AKT2: variants seen among roughly 807,000 people sequenced by gnomAD.
AKT2 encodes the protein RAC-beta serine/threonine-protein kinase.
AKT2 carries 16 observed loss-of-function variants against 58.6 expected under a neutral mutation model. The observed-to-expected ratio is 0.27, with a 90% CI of 0.18 to 0.41. The LOEUF (loss-of-function observed/expected upper bound fraction) is 0.41, where lower values mean the gene tolerates loss of function less well. AKT2 is among the 10% of genes least tolerant of loss of function. The pLI, the probability that AKT2 is intolerant of heterozygous loss-of-function variation, is 1.00. For synonymous variants in AKT2, 253 were observed against 254.0 expected (o/e 1.00, Z 0.04); for missense variants, 438 against 661.0 (o/e 0.66, Z 3.70).
In AKT2 at chr19:40,265,307, T is replaced by A. The variant is rs766081866; in HGVS notation, c.-40A>T. The A allele has an allele frequency of 1.6e-5, 25 of 1,607,020 alleles. No homozygotes were observed. The highest frequency in any genetic ancestry group is 2.1e-5 in the Non-Finnish European group (25 of 1,176,966). Reference sequence around the variant, plus strand: ...ACGCTGTCACCTAGCTCGGGACAGCTCAGGGCAGCAGGACATGCAGGAGGC... The same window carrying A: ...ACGCTGTCACCTAGCTCGGGACAGCACAGGGCAGCAGGACATGCAGGAGGC... On this transcript the variant is annotated 5_prime_UTR_variant, in exon 2 of 14. Transcript: ENST00000392038.
At chr19:40,282,599 G>A (rs2077444114) in intron 1 of AKT2, 1 of 521,986 alleles carries the variant, frequency 1.9e-6, no homozygotes, top group Non-Finnish European at 3.9e-6. Flanking sequence ...GAGGACAGAG[G>A]ACAGAGGTGA....
Position 40,242,301 on chromosome 19 carries a change from T to A in AKT2, c.442-232A>T, listed in dbSNP as rs1169201596. The A allele has an allele frequency of 2.3e-6, 2 of 858,260 alleles. No homozygotes were observed. Among genetic ancestry groups the A allele is most frequent in the Non-Finnish European group, 3.6e-6 (2 of 549,068 alleles). The allele number at this position is 858,260 out of a possible 1,614,324, so 53.2% of individuals were successfully genotyped here. ...GCTCTGACGTGGGGGTAGCCAGGTC[T>A]TCACCAACTCCCAGGACGAACCTGC... is the stretch of plus-strand genomic sequence containing the variant. On this transcript the variant is annotated intron_variant, in intron 5 of 13. Transcript: ENST00000392038. This position sits in a 1 kb window ranked among gnomAD's most constrained non-coding sequence, Gnocchi z 4.3.
chr19:40,244,157 T>C (rs1473699540), intron 4 of AKT2: 1 of 151,658 alleles, frequency 6.6e-6, no homozygotes, highest in Non-Finnish European at 1.5e-5. Flanking sequence ...AAGAACTGTC[T>C]TTGAGCTGGG....
In AKT2 at chr19:40,256,984, C is replaced by A; in HGVS notation, c.117G>T (p.Lys39Asn). The A allele has an allele frequency of 6.2e-7, 1 of 1,614,232 alleles. No individual in the cohort carries two copies. The highest frequency in any genetic ancestry group is 8.5e-7 in the Non-Finnish European group (1 of 1,180,034). The change falls in exon 3 of 14, where the codon AAG becomes AAT. Residue 39 changes from lysine to asparagine, a missense_variant. By Grantham distance (94) the Lys-to-Asn change is moderately conservative. Around this residue, in one of 3 missense-constraint regions of AKT2, gnomAD observed 244 missense variants for 347.1 expected, o/e 0.70. Coordinates refer to ENST00000392038, the MANE Select transcript of AKT2 (RefSeq NM_001626.6). Reference protein sequence around the residue: ...LKSDGSFIGYKERPEAPDQTL... With the variant: ...LKSDGSFIGYNERPEAPDQTL... The stretch of plus-strand genomic sequence containing the variant: ...TCTGATCAGGGGCCTCGGGCCTCTC[C>A]TTGTACCCAATGAAGGAGCCGTCGC...
intron 3 of AKT2, 56 bp downstream of exon 3, chr19:40,256,870 A>G: frequency 6.2e-7 from 1 of 1,612,058 alleles, no homozygotes; most frequent in Non-Finnish European, 8.5e-7. Context: ...AGCCCCTAAG[A>G]CGTGCCAGCC....
chr19:40,252,176 GTGTGGGCCAGGGC>G (rs1304208376), intron 4 of AKT2, among the ~76,000 whole-genome samples: 1 of 152,202 alleles, frequency 6.6e-6, no homozygotes. Context: ...ACATCAGCCT[GTGTGGGCCAGGGC>G]TGTGAGGACA....
chr19:40,237,505 C>T lies in AKT2; in HGVS notation c.831+464G>A, dbSNP rs1974104227. 4 of 166,078 alleles carry T rather than the reference C, an allele frequency of 2.4e-5. No homozygotes were observed. Among genetic ancestry groups the T allele is most frequent in the Admixed American group, 2.3e-4 (4 of 17,468 alleles). The allele number at this position is 166,078 out of a possible 1,614,324, so 10.3% of individuals were successfully genotyped here. A position where few individuals can be genotyped will look rare whatever the true frequency, so the allele number is the denominator to read the frequency against. On this transcript the variant is annotated intron_variant, in intron 9 of 13. Transcript: ENST00000392038. The surrounding 1 kb of genome is among the most constrained non-coding windows in gnomAD (Gnocchi z 4.5). The stretch of plus-strand genomic sequence containing the variant: ...ACTAAAAATACAAAAATTAGCTGGG[C>T]ATGGTGGCGGGCACCTGTAATCCCA...
In AKT2 at chr19:40,242,525, A is replaced by G; in HGVS notation, c.441+9T>C. 2 of 1,613,480 alleles carry G rather than the reference A, an allele frequency of 1.2e-6. No individual in the cohort carries two copies. Among genetic ancestry groups the G allele is most frequent in the South Asian group, 1.1e-5 (1 of 91,086 alleles). ...GGCTGGCAGCCCCACCCCTGCTCCC[A>G]GCACTTACCACTTTAGCCCGTGCCT... On this transcript the variant is annotated intron_variant, in intron 5 of 13. Coordinates refer to ENST00000392038, the MANE Select transcript of AKT2 (RefSeq NM_001626.6). The surrounding 1 kb of genome is among the most constrained non-coding windows in gnomAD (Gnocchi z 4.3).
chr19:40,271,626 A>G (rs938146479), intron 1 of AKT2, among the ~76,000 whole-genome samples: 5 of 152,110 alleles, frequency 3.3e-5, no homozygotes, highest in Non-Finnish European at 7.4e-5. Context: ...TAAAACTCAT[A>G]AAGTGGAAAA....
rs374077112 is a variant in AKT2, at chr19:40,230,716, GTTT to G, written c.*3153_*3155del. On this transcript the variant is annotated 3_prime_UTR_variant, in exon 14 of 14. Transcript: ENST00000392038. ...TGTCTTTTTTAATAGCATGTATCAT[GTTT>G]TTTTTTTTTTTATTTTTAGAGACAC... The G allele has an allele frequency of 3.8e-5, 7 of 185,850 alleles. No homozygotes were observed. Among genetic ancestry groups the G allele is most frequent in the African/African-American group, 4.9e-5 (2 of 41,102 alleles). 11.5% of individuals were successfully genotyped at this position (185,850 alleles called of 1,614,324 possible).
chr19:40,271,212 CATATATATATATATACACACAT>C (rs1279561782), intron 1 of AKT2, among the ~76,000 whole-genome samples: 5 of 140,028 alleles, frequency 3.6e-5, no homozygotes, highest in African/African-American at 1.4e-4. Context: ...TACATACATA[CATATATATATATATACACACAT>C]ATATATGTAT....
intron 2 of AKT2, among the ~76,000 whole-genome samples, chr19:40,257,338 G>A (rs992510517): frequency 6.6e-5 from 10 of 152,332 alleles, no homozygotes; most frequent in Middle Eastern, 3.4e-3. Context: ...GTGTGGCAAG[G>A]AGCAAGCTGT....
intron 2 of AKT2, among the ~76,000 whole-genome samples, chr19:40,260,413 C>A (rs1034277685): frequency 6.6e-6 from 1 of 151,866 alleles, no homozygotes; most frequent in Non-Finnish European, 1.5e-5. Flanking sequence ...GGGCGGATCC[C>A]AAGGTCAAGA....
chr19:40,235,165 T>C lies in AKT2; in HGVS notation c.1264-18A>G, dbSNP rs778856773. 1.9e-6 allele frequency: 3 copies of C among 1,613,228 alleles called. 1 individual carries two copies. Among genetic ancestry groups the C allele is most frequent in the African/African-American group, 1.3e-5 (1 of 74,682 alleles). On this transcript the variant is annotated intron_variant, in intron 12 of 13. Coordinates refer to ENST00000392038, the MANE Select transcript of AKT2 (RefSeq NM_001626.6). This position sits in a 1 kb window ranked among gnomAD's most constrained non-coding sequence, Gnocchi z 6.3. ...GGCAGGAGCTACGGAGGAGAGGAGC[T>C]CAGGCTCAGGGACCCTGAGGCCAGG...
At chr19:40,245,475 C>A (rs550674820) in intron 4 of AKT2, among the ~76,000 whole-genome samples, 1 of 152,144 alleles carries the variant, frequency 6.6e-6, no homozygotes, top group East Asian at 1.9e-4. Flanking sequence ...CACATAGGCA[C>A]AAACATCTCC....
intron 2 of AKT2, among the ~76,000 whole-genome samples, chr19:40,262,140 C>T (rs1976010532): frequency 6.6e-6 from 1 of 151,864 alleles, no homozygotes; most frequent in African/African-American, 2.4e-5. Flanking sequence ...AACGCAGTGG[C>T]TCACAACTGT....
chr19:40,231,835 C>CCACCATGAACA lies in AKT2; in HGVS notation c.*2026_*2036dup, dbSNP rs1248581292. On this transcript the variant is annotated 3_prime_UTR_variant, in exon 14 of 14. Transcript: ENST00000392038. ...GAGCTCCCAGGTGACAGCAACCACG[C>CCACCATGAACA]CACCATGAACACACCACTGGGTCTG... The CCACCATGAACA allele has an allele frequency of 4.3e-6, 1 of 233,516 alleles. No homozygotes were observed. Among genetic ancestry groups the CCACCATGAACA allele is most frequent in the South Asian group, 1.8e-4 (1 of 5,534 alleles). The allele number at this position is 233,516 out of a possible 1,614,324, so 14.5% of individuals were successfully genotyped here. A position where few individuals can be genotyped will look rare whatever the true frequency, so the allele number is the denominator to read the frequency against.
At chr19:40,259,608 T>C (rs901506229) in intron 2 of AKT2, among the ~76,000 whole-genome samples, 4 of 152,156 alleles carry the variant, frequency 2.6e-5, no homozygotes, top group African/African-American at 9.7e-5. Context: ...AAAACCTTTG[T>C]GCATGAAAGG....
chr19:40,249,235 G>A (rs1322938049), intron 4 of AKT2, among the ~76,000 whole-genome samples: 2 of 152,182 alleles, frequency 1.3e-5, no homozygotes, highest in African/African-American at 2.4e-5. Flanking sequence ...TAGCTGCTGT[G>A]TGGGCTACGG....
Sources: allele counts gnomAD v4.1 joint callset (sites outside exome capture counted in the v4.1 genomes callset), GRCh38; gene constraint gnomAD v4.1.1; regional missense constraint gnomAD v4.1.1; non-coding constraint Gnocchi (gnomAD v3.1); transcripts MANE v1.5; gene names NCBI Gene and HGNC (gene_info 2026-07-23, HGNC 2026-07-21).